OR2I1: variants seen among roughly 807,000 people sequenced by gnomAD.
OR2I1 encodes the protein putative olfactory receptor 2I1.
At chr6:29,556,339 A>G in the OR2I1 span, 3 of 1,609,662 alleles carry the variant, frequency 1.9e-6, no homozygotes, top group Non-Finnish European at 2.5e-6. Context: ...ATTCCTCGGA[A>G]CGGACATGCA....
the OR2I1 span, chr6:29,556,202 G>A: frequency 6.2e-7 from 1 of 1,613,070 alleles, no homozygotes; most frequent in South Asian, 1.1e-5. Flanking sequence ...GCTTCTCCGT[G>A]GCTTTAAGAT....
chr6:29,550,472 TACC>T, the OR2I1 span: 1 of 152,240 alleles, frequency 6.6e-6, no homozygotes, highest in Non-Finnish European at 1.5e-5. Context: ...GGATATTTGC[TACC>T]ACCACCAGCT....
At chr6:29,554,336 T>C in the OR2I1 span, 2 of 387,374 alleles carry the variant, frequency 5.2e-6, no homozygotes, top group Non-Finnish European at 9.1e-6. Flanking sequence ...GTTTAGTTCT[T>C]GAGGGAAAAT....
the OR2I1 span, chr6:29,554,325 T>G: frequency 4.7e-3 from 1,827 of 392,296 alleles, 12 homozygotes; most frequent in Non-Finnish European, 5.0e-3. Flanking sequence ...CGTGAGGAAA[T>G]GTTTAGTTCT....
chr6:29,556,908 G>A, the OR2I1 span: 1 of 154,224 alleles, frequency 6.5e-6, no homozygotes, highest in Non-Finnish European at 1.4e-5. Context: ...AGTGAGTGGA[G>A]ATGGCACTAC....
chr6:29,556,046 G>A, the OR2I1 span: 5 of 1,613,054 alleles, frequency 3.1e-6, no homozygotes, highest in Non-Finnish European at 4.2e-6. Context: ...TTGTGCCACT[G>A]AGCTGGACCT....
chr6:29,552,848 T>C, the OR2I1 span: 1 of 170,068 alleles, frequency 5.9e-6, no homozygotes, highest in Non-Finnish European at 1.2e-5. Context: ...TCAGACATGC[T>C]TGCAAATCAA....
At chr6:29,551,557 T>C in the OR2I1 span, among the ~76,000 whole-genome samples, 1 of 152,234 alleles carries the variant, frequency 6.6e-6, no homozygotes, top group Non-Finnish European at 1.5e-5. Flanking sequence ...TAAATGTTCA[T>C]AGCAGTTGTA....
the OR2I1 span, chr6:29,552,874 C>T: frequency 1.6e-5 from 3 of 190,284 alleles, no homozygotes; most frequent in Non-Finnish European, 3.2e-5. Context: ...GTTAAGGTCA[C>T]TTAGGAGGCC....
chr6:29,556,786 G>C, the OR2I1 span: 1 of 163,154 alleles, frequency 6.1e-6, no homozygotes, highest in Non-Finnish European at 1.3e-5. Flanking sequence ...GTGAAACTCT[G>C]TCTCTACTAA....
chr6:29,554,127 G>A, the OR2I1 span: 1 of 399,378 alleles, frequency 2.5e-6, no homozygotes, highest in Non-Finnish European at 4.4e-6. Flanking sequence ...CAGCGAGGAG[G>A]CTGCTGCGGA....
chr6:29,556,167 C>A, the OR2I1 span: 2 of 1,612,974 alleles, frequency 1.2e-6, no homozygotes, highest in Admixed American at 3.3e-5. Flanking sequence ...ATGGTCTTCT[C>A]TTTGTCAATG....
the OR2I1 span, chr6:29,556,563 A>C: frequency 1.9e-6 from 1 of 517,408 alleles, no homozygotes; most frequent in Non-Finnish European, 3.4e-6. Context: ...TTATAATCAC[A>C]CCTTTTTTTC....
the OR2I1 span, chr6:29,557,760 C>T: frequency 2.0e-5 from 3 of 151,422 alleles, no homozygotes; most frequent in African/African-American, 7.3e-5. Flanking sequence ...AAATAAACTC[C>T]CCTTCTAAAT....
At chr6:29,551,972 A>G in the OR2I1 span, among the ~76,000 whole-genome samples, 1 of 152,186 alleles carries the variant, frequency 6.6e-6, no homozygotes, top group African/African-American at 2.4e-5. Context: ...GGTTATTGTG[A>G]TTTTGTAATT....
At chr6:29,553,581 CGCGGCCGCA>C in the OR2I1 span, 4 of 398,370 alleles carry the variant, frequency 1.0e-5, no homozygotes, top group Admixed American at 1.3e-4. Context: ...CTCTGGACCG[CGCGGCCGCA>C]GTGTGCCGCC....
the OR2I1 span, chr6:29,553,386 G>T: frequency 2.5e-6 from 1 of 398,914 alleles, no homozygotes; most frequent in Non-Finnish European, 4.4e-6. Flanking sequence ...GCCTGCACAC[G>T]CCCATGTACT....
the OR2I1 span, chr6:29,557,715 G>A: frequency 6.6e-6 from 1 of 152,340 alleles, no homozygotes; most frequent in African/African-American, 2.4e-5. Flanking sequence ...CAGCCTGTCA[G>A]AATGGCTACC....
At chr6:29,556,260 T>C in the OR2I1 span, 1 of 1,613,118 alleles carries the variant, frequency 6.2e-7, no homozygotes, top group Non-Finnish European at 8.5e-7. Flanking sequence ...ACCTTGGTCT[T>C]AGACCGGACA....
Sources: gnomAD v4.1 joint callset for allele counts (sites outside exome capture counted in the v4.1 genomes callset) on GRCh38, gnomAD v4.1.1 for gene constraint, MANE v1.5 for transcripts, NCBI Gene and HGNC (gene_info 2026-07-23, HGNC 2026-07-21) for gene names.